The following DHX58 variants were observed in gnomAD, a reference collection of about 807,000 sequenced individuals.
DHX58 encodes the protein ATP-dependent RNA helicase DHX58.
Under a neutral mutation model 65.0 loss-of-function variants are expected in DHX58, and 51 were observed. The observed-to-expected ratio is 0.78, with a 90% CI of 0.63 to 0.99. The LOEUF is 0.99. Among genes scored for constraint, DHX58 ranks in the 50% least tolerant of loss-of-function variants. The pLI is 0.00. For synonymous variants in DHX58, 350 were observed against 365.0 expected (o/e 0.96, Z 0.47); for missense variants, 773 against 891.8 (o/e 0.87, Z 1.70).
At chr17:42,110,563 A>T (rs1377024365) in intron 5 of DHX58, among the ~76,000 whole-genome samples, 160 bp downstream of exon 5, 1 of 152,220 alleles carries the variant, frequency 6.6e-6, no homozygotes, top group African/African-American at 2.4e-5. Flanking sequence ...TTGTACCATA[A>T]GAAACCATTG....
In DHX58 at chr17:42,105,080, T is replaced by A. The variant is rs141023478; in HGVS notation, c.1339A>T (p.Ile447Phe). ...CGCACCACCACATTGCAATGTGGGA[T>A]GTCCAGCCCCTCCTCCGCCACACTC... is the stretch of plus-strand genomic sequence containing the variant. ...ATSVAEEGLD[I>F]PHCNVVVRYG... The change falls in exon 10 of 14, where the codon ATC becomes TTC. Residue 447 changes from isoleucine to phenylalanine, a missense_variant. Physicochemically the swap from Ile to Phe is conservative, Grantham distance 21. Coordinates refer to ENST00000251642, the MANE Select transcript of DHX58 (RefSeq NM_024119.3). 2.7e-5 allele frequency: 44 copies of A among 1,613,822 alleles called. 1 individual carries two copies. In the African/African-American group the frequency reaches 5.1e-4, roughly 19 times the overall value.
At position 42,107,606 on chromosome 17, in the gene DHX58, T is replaced by G; in HGVS notation, c.995A>C (p.Asp332Ala). Residue 332 changes from aspartate (D) to alanine (A), a missense_variant and splice_region_variant, in exon 8 of 14, where the codon GAT becomes GCT. Asp to Ala is a moderately radical substitution (Grantham distance 126). Transcript: ENST00000251642. Reference sequence around the variant, plus strand: ...CGAAGCCCCCTCCCGCCCCTCACCATCGAACAGGGCCAGCAGCCGGCGCTC... The same window carrying G: ...CGAAGCCCCCTCCCGCCCCTCACCAGCGAACAGGGCCAGCAGCCGGCGCTC... ...CAERRLLALF[D>A]DRKNELAHLA... 1 of 793,808 alleles carries G rather than the reference T, an allele frequency of 1.3e-6. No individual in the cohort carries two copies. The highest frequency in any genetic ancestry group is 2.0e-6 in the Non-Finnish European group (1 of 505,456). 49.2% of individuals were successfully genotyped at this position (793,808 alleles called of 1,614,324 possible).
intron 8 of DHX58, 33 bp downstream of exon 8, chr17:42,107,571 T>C: frequency 6.6e-7 from 1 of 1,508,662 alleles, no homozygotes; most frequent in Middle Eastern, 2.0e-4. Context: ...GGTCCCATCA[T>C]CCCCGGCCCC....
At chr17:42,106,838 C>T (rs2054068955) in intron 8 of DHX58, among the ~76,000 whole-genome samples, 1 of 151,796 alleles carries the variant, frequency 6.6e-6, no homozygotes, top group South Asian at 2.1e-4. Context: ...ATGCCTCCTA[C>T]CGAGCCCACT....
At chr17:42,102,990 G>A (rs1360939024) in intron 12 of DHX58, among the ~76,000 whole-genome samples, 1 of 152,022 alleles carries the variant, frequency 6.6e-6, no homozygotes, top group African/African-American at 2.4e-5. Flanking sequence ...GTTTCAATAT[G>A]TTGGCCAGAC....
At chr17:42,109,464 C>G in intron 5 of DHX58, 78 bp from the exon 6 acceptor site, 1 of 1,215,162 alleles carries the variant, frequency 8.2e-7, no homozygotes. Flanking sequence ...AGGATGGATC[C>G]CAGCTGAGGA....
chr17:42,103,509 T>C, intron 12 of DHX58, 99 bp downstream of exon 12: 3 of 1,429,768 alleles, frequency 2.1e-6, no homozygotes, highest in Admixed American at 2.3e-5. Flanking sequence ...TGCAAAGTAC[T>C]TGCTACAATG....
rs1236848187 is a variant in DHX58 at position 42,102,383 on chromosome 17, G to C, written c.1755-71C>G. The C allele has an allele frequency of 2.2e-6, 3 of 1,380,768 alleles. No individual in the cohort carries two copies. The East Asian group carries it at 6.9e-5, about 32-fold the overall frequency. 85.5% of individuals were successfully genotyped at this position (1,380,768 alleles called of 1,614,324 possible). ...GCCCCGGATCTCATGCCCTCCTGCC[G>C]GCCAAGTCTCTGCCTGGACCTTGGG... On this transcript the variant is annotated intron_variant, in intron 12 of 13. Transcript: ENST00000251642.
At position 42,105,523 on chromosome 17, in the gene DHX58, C is replaced by G. The variant is rs189543802; in HGVS notation, c.1251+213G>C. ...GACCCCCATGCCCAACCTTCTGCCC[C>G]CAAGGACCTCCAGACTGGGAGAGGC... On this transcript the variant is annotated intron_variant, in intron 9 of 13. Transcript: ENST00000251642. Among the ~76,000 whole-genome samples the G allele has an allele frequency of 7.3e-4, 111 of 152,222 alleles. No homozygotes were observed. The Middle Eastern group carries it at 0.01, about 14-fold the overall frequency.
At chr17:42,111,518 G>A (rs782289792) in intron 3 of DHX58, 21 bp from the exon 4 acceptor site, 9 of 1,611,948 alleles carry the variant, frequency 5.6e-6, no homozygotes, top group Non-Finnish European at 5.9e-6. Context: ...AGAATGAGCT[G>A]GGAAAAGAGA....
chr17:42,112,142 A>T lies in DHX58; in HGVS notation c.-31T>A. 4.9e-6 allele frequency: 2 copies of T among 405,856 alleles called. No individual in the cohort carries two copies. The highest frequency in any genetic ancestry group is 5.4e-5 in the South Asian group (1 of 18,636). The allele number at this position is 405,856 out of a possible 1,614,324, so 25.1% of individuals were successfully genotyped here. On this transcript the variant is annotated 5_prime_UTR_variant, in exon 2 of 14. Coordinates refer to ENST00000251642, the MANE Select transcript of DHX58 (RefSeq NM_024119.3). ...TCTAGTAGGTAGGTCTGCCCAGGGC[A>T]GTCCCACTTAACTCAGCCTGGTGCC...
chr17:42,107,729 AGC>A lies in DHX58; in HGVS notation c.870_871del (p.Leu291AlafsTer4). ...GGCGCGGACGGTGTCATGGATGAGC[AGC>A]GCGTCATTGTAGCGCCTCAGGTGAA... On this transcript the variant is annotated frameshift_variant, in exon 8 of 14. Transcript: ENST00000251642. LOFTEE classifies it high-confidence loss of function. The A allele has an allele frequency of 1.2e-6, 2 of 1,607,890 alleles. No individual in the cohort carries two copies. Among genetic ancestry groups the A allele is most frequent in the Non-Finnish European group, 1.7e-6 (2 of 1,177,058 alleles).
In DHX58 at chr17:42,101,543, T is replaced by C. The variant is rs2143980007; in HGVS notation, c.*218A>G. The C allele has an allele frequency of 1.9e-6, 1 of 516,242 alleles. No homozygotes were observed. The highest frequency in any genetic ancestry group is 3.2e-5 in the East Asian group (1 of 31,714). The allele number at this position is 516,242 out of a possible 1,614,324, so 32.0% of individuals were successfully genotyped here. A position where few individuals can be genotyped will look rare whatever the true frequency, so the allele number is the denominator to read the frequency against. ...AGTTTCCCTAACTCCATCCAGTGCA[T>C]ATGAAAATGTCTATGTGCGTACAAG... On this transcript the variant is annotated 3_prime_UTR_variant, in exon 14 of 14. Transcript: ENST00000251642.
Position 42,107,629 on chromosome 17 carries a change from C to A in DHX58, c.972G>T (p.Glu324Asp), listed in dbSNP as rs1369242613. Reference sequence around the variant, plus strand: ...CATCGAACAGGGCCAGCAGCCGGCGCTCGGCACACAGGATCTGGGTTTTAG... The same window carrying A: ...CATCGAACAGGGCCAGCAGCCGGCGATCGGCACACAGGATCTGGGTTTTAG... ...HVTKTQILCA[E>D]RRLLALFDDR... The change falls in exon 8 of 14, where the codon GAG becomes GAT. Residue 324 changes from glutamate to aspartate, a missense_variant. Transcript: ENST00000251642. 1 of 1,608,530 alleles carries A rather than the reference C, an allele frequency of 6.2e-7. No individual in the cohort carries two copies. The highest frequency in any genetic ancestry group is 8.5e-7 in the Non-Finnish European group (1 of 1,176,934).
intron 11 of DHX58, 51 bp from the exon 12 acceptor site, chr17:42,103,849 T>C (rs1237824882): frequency 1.9e-6 from 3 of 1,558,836 alleles, no homozygotes; most frequent in African/African-American, 2.7e-5. Flanking sequence ...AGAACGTTCC[T>C]TGGGGGACAA....
Position 42,109,309 on chromosome 17 carries a change from C to G in DHX58, c.639G>C (p.Gln213His). The G allele has an allele frequency of 6.2e-7, 1 of 1,613,832 alleles. No homozygotes were observed. Among genetic ancestry groups the G allele is most frequent in the Non-Finnish European group, 8.5e-7 (1 of 1,179,874 alleles). Residue 213 changes from glutamine (Q) to histidine (H), a missense_variant, in exon 6 of 14, where the codon CAG (glutamine) becomes CAC (histidine). Gln to His is a conservative substitution (Grantham distance 24). Coordinates refer to ENST00000251642, the MANE Select transcript of DHX58 (RefSeq NM_024119.3). The part of the protein sequence containing the change: ...CCPQLQEHSQ[Q>H]PCKQYNLCHR... ...GGCAGAGGTTGTACTGTTTGCAAGG[C>G]TGTTGGCTGTGCTCCTGCAGCTGGG...
chr17:42,104,920 C>T lies in DHX58; in HGVS notation c.1409G>A (p.Gly470Asp), dbSNP rs1794098495. ...TACACTCTGATCGGCCCGGGCACGG[C>T]CCCTGGCCTGGGAAGAGAGACAAGG... is the stretch of plus-strand genomic sequence containing the variant. ...TNEISMVQAR[G>D]RARADQSVYA... The change falls in exon 11 of 14, where the codon GGC (glycine) becomes GAC (aspartate). Residue 470 changes from glycine (G) to aspartate (D), a missense_variant. Coordinates refer to ENST00000251642, the MANE Select transcript of DHX58 (RefSeq NM_024119.3). The T allele has an allele frequency of 6.2e-7, 1 of 1,614,032 alleles. No individual in the cohort carries two copies. The highest frequency in any genetic ancestry group is 8.5e-7 in the Non-Finnish European group (1 of 1,180,018).
intron 5 of DHX58, 84 bp from the exon 6 acceptor site, chr17:42,109,470 GAGGAC>G: frequency 1.8e-6 from 2 of 1,132,160 alleles, no homozygotes; most frequent in Admixed American, 4.2e-5. Flanking sequence ...GATCCCAGCT[GAGGAC>G]AGGAGAATGT....
rs374605901 is a variant in DHX58 at position 42,107,734 on chromosome 17, G to A, written c.867C>T (p.Asp289=). 6 of 1,606,198 alleles carry A rather than the reference G, an allele frequency of 3.7e-6. No homozygotes were observed. The highest frequency in any genetic ancestry group is 5.1e-6 in the Non-Finnish European group (6 of 1,176,226). The stretch of plus-strand genomic sequence containing the variant: ...GGACGGTGTCATGGATGAGCAGCGC[G>A]TCATTGTAGCGCCTCAGGTGAAGCG... ...VYALHLRRYN[D]ALLIHDTVRA... The change falls in exon 8 of 14, where the codon GAC becomes GAT. Residue 289 remains aspartate (D), a synonymous_variant. Transcript: ENST00000251642.
Sources: gnomAD v4.1 joint callset for allele counts (sites outside exome capture counted in the v4.1 genomes callset) on GRCh38, gnomAD v4.1.1 for gene constraint, MANE v1.5 for transcripts, NCBI Gene and HGNC (gene_info 2026-07-23, HGNC 2026-07-21) for gene names.